ATP2C2: variants seen among roughly 807,000 people sequenced by gnomAD.
ATP2C2 encodes the protein calcium-transporting ATPase type 2C member 2.
ATP2C2 carries 171 observed loss-of-function variants against 110.8 expected under a neutral mutation model. That is an observed-to-expected ratio of 1.54 (90% CI 1.36 to 1.75). ATP2C2 has a LOEUF of 1.75. ATP2C2 is among the 40% of genes most tolerant of loss of function. The pLI, the probability that ATP2C2 is intolerant of heterozygous loss-of-function variation, is 0.00. For missense variants in ATP2C2, 1,963 were observed against 1,235.0 expected, an observed-to-expected ratio of 1.59 and a Z score of -8.84; for synonymous variants, 804 against 508.4, an observed-to-expected ratio of 1.58 and a Z score of -7.82.
intron 1 of ATP2C2, among the ~76,000 whole-genome samples, chr16:84,379,262 G>T (rs1335487361): frequency 6.6e-6 from 1 of 151,640 alleles, no homozygotes; most frequent in Non-Finnish European, 1.5e-5. Flanking sequence ...GCTCACTGCA[G>T]TCTCAATCTT....
At chr16:84,372,646 G>A (rs943708356) in intron 1 of ATP2C2, among the ~76,000 whole-genome samples, 4 of 151,674 alleles carry the variant, frequency 2.6e-5, no homozygotes, top group East Asian at 3.9e-4. Context: ...GGCTGGTCTC[G>A]AACTCCTGAC....
chr16:84,385,017 C>G (rs566892289), intron 1 of ATP2C2, among the ~76,000 whole-genome samples: 2 of 152,204 alleles, frequency 1.3e-5, no homozygotes, highest in South Asian at 4.1e-4. Context: ...GCACTGCACT[C>G]CAGCCTAGGT....
intron 13 of ATP2C2, 141 bp from the exon 14 acceptor site, chr16:84,440,716 G>A: frequency 1.5e-6 from 1 of 658,852 alleles, no homozygotes; most frequent in Non-Finnish European, 2.7e-6. Flanking sequence ...TAATCTTTCA[G>A]AGAACATCTT....
chr16:84,411,546 G>A (rs1297950459), intron 6 of ATP2C2, among the ~76,000 whole-genome samples: 15 of 152,084 alleles, frequency 9.9e-5, no homozygotes, highest in African/African-American at 3.4e-4. Context: ...GGTTCAAGCA[G>A]TTCTCCTGCC....
chr16:84,429,144 TTTTG>T (rs201731171), intron 11 of ATP2C2, among the ~76,000 whole-genome samples: 14 of 106,152 alleles, frequency 1.3e-4, no homozygotes, highest in South Asian at 6.3e-4. Flanking sequence ...GCGTTGTTTT[TTTTG>T]TTTGTTTGTT....
At chr16:84,401,010 C>T (rs1014638200) in intron 2 of ATP2C2, among the ~76,000 whole-genome samples, 1 of 152,132 alleles carries the variant, frequency 6.6e-6, no homozygotes, top group Non-Finnish European at 1.5e-5. Flanking sequence ...TTCTTCCATT[C>T]TGTGGGTTGT....
intron 17 of ATP2C2, among the ~76,000 whole-genome samples, chr16:84,449,653 T>A (rs1255878592): frequency 6.6e-6 from 1 of 152,150 alleles, no homozygotes; most frequent in Non-Finnish European, 1.5e-5. Flanking sequence ...GGGGCTGGTA[T>A]AAGAAGGTCC....
intron 7 of ATP2C2, among the ~76,000 whole-genome samples, chr16:84,421,578 A>T (rs1179961709): frequency 6.6e-6 from 1 of 151,854 alleles, no homozygotes; most frequent in African/African-American, 2.4e-5. Context: ...CGCTTTATGA[A>T]CTCAGAGGTG....
intron 1 of ATP2C2, among the ~76,000 whole-genome samples, chr16:84,376,966 A>T (rs1023765697): frequency 1.3e-5 from 2 of 152,136 alleles, no homozygotes; most frequent in African/African-American, 4.8e-5. Context: ...GATTCTTCTG[A>T]ATTGTCATGG....
chr16:84,408,368 C>G, intron 3 of ATP2C2, 37 bp from the exon 4 acceptor site: 5 of 1,591,332 alleles, frequency 3.1e-6, no homozygotes, highest in Non-Finnish European at 4.3e-6. Flanking sequence ...GTCCCTGAGA[C>G]TAAAGAACGT....
chr16:84,459,490 A>G (rs1228751920), intron 23 of ATP2C2, 104 bp downstream of exon 23: 1 of 1,591,736 alleles, frequency 6.3e-7, no homozygotes, highest in Non-Finnish European at 8.5e-7. Context: ...GAACAAATAC[A>G]GCCACTTTCC....
intron 7 of ATP2C2, among the ~76,000 whole-genome samples, chr16:84,416,942 C>T (rs918384566): frequency 2.0e-5 from 3 of 152,028 alleles, no homozygotes; most frequent in Non-Finnish European, 4.4e-5. Context: ...GGGGATGCTC[C>T]AGATGCCAGG....
At chr16:84,396,274 A>T (rs954636304) in intron 1 of ATP2C2, among the ~76,000 whole-genome samples, 1 of 152,028 alleles carries the variant, frequency 6.6e-6, no homozygotes, top group African/African-American at 2.4e-5. Flanking sequence ...AGCCAGGTGC[A>T]GTGGCTCACG....
At chr16:84,441,437 A>G (rs1909243943) in intron 14 of ATP2C2, among the ~76,000 whole-genome samples, 1 of 152,030 alleles carries the variant, frequency 6.6e-6, no homozygotes. Context: ...GCCTGTGATG[A>G]TGTTCCCCTG....
At chr16:84,399,259 G>T (rs1350143055) in intron 2 of ATP2C2, among the ~76,000 whole-genome samples, 1 of 152,244 alleles carries the variant, frequency 6.6e-6, no homozygotes, top group East Asian at 1.9e-4. Flanking sequence ...GGAAGCTAGT[G>T]TCTTTTCTTG....
intron 3 of ATP2C2, among the ~76,000 whole-genome samples, chr16:84,405,907 G>A (rs1905724490): frequency 6.6e-6 from 1 of 152,160 alleles, no homozygotes. Flanking sequence ...ACAACAGAGT[G>A]AGACCTTGTC....
intron 13 of ATP2C2, 57 bp from the exon 14 acceptor site, chr16:84,440,800 C>A: frequency 7.2e-7 from 1 of 1,380,142 alleles, no homozygotes. Context: ...TGTGGGCCAA[C>A]TGGGGGAGCA....
At chr16:84,423,010 C>T (rs541138041) in intron 9 of ATP2C2, among the ~76,000 whole-genome samples, 178 bp from the exon 10 acceptor site, 1 of 152,092 alleles carries the variant, frequency 6.6e-6, no homozygotes, top group Non-Finnish European at 1.5e-5. Flanking sequence ...GATAAAGATA[C>T]AGCTTTCAGA....
chr16:84,436,189 C>G (rs1047142074), intron 11 of ATP2C2, among the ~76,000 whole-genome samples: 2 of 152,198 alleles, frequency 1.3e-5, no homozygotes, highest in African/African-American at 2.4e-5. Context: ...TGAACTGTAT[C>G]TTTTTCATTG....
Sources: allele counts gnomAD v4.1 joint callset (sites outside exome capture counted in the v4.1 genomes callset), GRCh38; gene constraint gnomAD v4.1.1; transcripts MANE v1.5; gene names NCBI Gene and HGNC (gene_info 2026-07-23, HGNC 2026-07-21).